The following GAB1 variants were observed in gnomAD, a reference collection of about 807,000 sequenced individuals.
GAB1 encodes the protein GRB2-associated-binding protein 1.
GAB1 carries 19 observed loss-of-function variants against 66.5 expected under a neutral mutation model. That is an observed-to-expected ratio of 0.29 (90% CI 0.20 to 0.42). The LOEUF (loss-of-function observed/expected upper bound fraction) is 0.42. Ranked by LOEUF, GAB1 falls within the 10% of genes least tolerant of loss-of-function variation. The pLI is 1.00. For synonymous variants in GAB1, 294 were observed against 301.4 expected (o/e 0.98, Z 0.25); for missense variants, 732 against 858.5 (o/e 0.85, Z 1.84).
intron 6 of GAB1, among the ~76,000 whole-genome samples, chr4:143,445,615 C>T (rs1454995769): frequency 2.6e-5 from 4 of 151,842 alleles, no homozygotes; most frequent in African/African-American, 7.3e-5. Flanking sequence ...TCTCAATTTC[C>T]GGTTTGTTGC....
intron 1 of GAB1, among the ~76,000 whole-genome samples, chr4:143,375,719 T>C (rs1560727082): frequency 1.3e-5 from 2 of 152,364 alleles, no homozygotes; most frequent in Non-Finnish European, 1.5e-5. Context: ...TTCCTAAGCT[T>C]GTTACTCTAC....
chr4:143,366,575 A>T lies in GAB1; in HGVS notation c.72+29315A>T, dbSNP rs28684731. Reference sequence around the variant, plus strand: ...AGTTTTCAAAGTTTCTATATTAGGTATTCCCTCACTATCAGTAAACACTGT... The same window carrying T: ...AGTTTTCAAAGTTTCTATATTAGGTTTTCCCTCACTATCAGTAAACACTGT... On this transcript the variant is annotated intron_variant, in intron 1 of 9. Coordinates refer to ENST00000262994, the MANE Select transcript of GAB1 (RefSeq NM_002039.4). 4.4e-3 allele frequency among the ~76,000 whole-genome samples: 675 copies of T among 152,192 alleles called. 8 individuals are homozygous for T. The highest frequency in any genetic ancestry group is 0.016 in the African/African-American group (645 of 41,536).
At chr4:143,431,298 A>G (rs904398980) in intron 2 of GAB1, among the ~76,000 whole-genome samples, 4 of 152,224 alleles carry the variant, frequency 2.6e-5, no homozygotes, top group Admixed American at 1.3e-4. Flanking sequence ...CTGGGGTTTC[A>G]TGAGGAAAAC....
At chr4:143,457,917 C>A in intron 6 of GAB1, 2 of 575,660 alleles carry the variant, frequency 3.5e-6, no homozygotes, top group Admixed American at 7.8e-5. Flanking sequence ...AAAGTGAATG[C>A]TTCCCATAAT....
chr4:143,435,228 T>C (rs1379727572), intron 3 of GAB1, among the ~76,000 whole-genome samples: 1 of 152,186 alleles, frequency 6.6e-6, no homozygotes, highest in Non-Finnish European at 1.5e-5. Context: ...ATAGCTCATA[T>C]TCATTCCAAA....
chr4:143,464,721 G>C (rs1735689867), intron 8 of GAB1, among the ~76,000 whole-genome samples: 1 of 152,174 alleles, frequency 6.6e-6, no homozygotes. Context: ...GCACAGAGCT[G>C]TCTCACCCCA....
intron 2 of GAB1, among the ~76,000 whole-genome samples, chr4:143,432,733 G>A (rs574603471): frequency 2.2e-4 from 34 of 152,094 alleles, no homozygotes; most frequent in Non-Finnish European, 4.9e-4. Context: ...TGACTACAGC[G>A]GGATTTTATT....
At chr4:143,373,109 T>C (rs924575685) in intron 1 of GAB1, among the ~76,000 whole-genome samples, 5 of 152,124 alleles carry the variant, frequency 3.3e-5, no homozygotes, top group African/African-American at 1.2e-4. Flanking sequence ...AGTGTTGAGC[T>C]AGGCTGTAAA....
intron 1 of GAB1, among the ~76,000 whole-genome samples, chr4:143,409,719 TGAA>T (rs545547497): frequency 7.1e-4 from 108 of 152,072 alleles, no homozygotes; most frequent in African/African-American, 2.2e-3. Context: ...AAAAGAACCT[TGAA>T]GAATGAATTG....
At chr4:143,443,856 A>G (rs1046758893) in intron 6 of GAB1, among the ~76,000 whole-genome samples, 1 of 152,176 alleles carries the variant, frequency 6.6e-6, no homozygotes, top group Non-Finnish European at 1.5e-5. Flanking sequence ...TCAAATACTT[A>G]TGAGTAATTG....
At position 143,433,906 on chromosome 4, in the gene GAB1, G is replaced by A. The variant is rs10017631; in HGVS notation, c.593+190G>A. On this transcript the variant is annotated intron_variant, in intron 3 of 9. Coordinates refer to ENST00000262994, the MANE Select transcript of GAB1 (RefSeq NM_002039.4). ...ATTGATTTCCGATATTCAGGAGATT[G>A]TATCGAAGAGACACAATCTCTGCCA... 2.5e-3 allele frequency among the ~76,000 whole-genome samples: 379 copies of A among 152,282 alleles called. 1 individual carries two copies. The highest frequency in any genetic ancestry group is 8.6e-3 in the African/African-American group (357 of 41,564).
intron 1 of GAB1, among the ~76,000 whole-genome samples, chr4:143,344,272 G>A (rs560350100): frequency 3.3e-5 from 5 of 152,248 alleles, no homozygotes; most frequent in African/African-American, 1.2e-4. Flanking sequence ...CGTGTTGGGG[G>A]GGAGAGAATA....
At chr4:143,380,190 T>C (rs988224436) in intron 1 of GAB1, among the ~76,000 whole-genome samples, 2 of 151,860 alleles carry the variant, frequency 1.3e-5, no homozygotes, top group African/African-American at 4.8e-5. Context: ...GAATATTGAA[T>C]CTTGAAACCC....
intron 3 of GAB1, among the ~76,000 whole-genome samples, chr4:143,437,148 A>G (rs1025685151): frequency 2.0e-5 from 3 of 151,604 alleles, no homozygotes; most frequent in Non-Finnish European, 2.9e-5. Context: ...AAGCCCTTTA[A>G]AAAAAAATCA....
chr4:143,409,817 A>C (rs1732271438), intron 1 of GAB1, among the ~76,000 whole-genome samples: 2 of 152,204 alleles, frequency 1.3e-5, no homozygotes, highest in East Asian at 3.8e-4. Flanking sequence ...GAAGATATTA[A>C]TATAAGAAGA....
At chr4:143,357,114 TGA>T (rs1729476185) in intron 1 of GAB1, among the ~76,000 whole-genome samples, 1 of 152,162 alleles carries the variant, frequency 6.6e-6, no homozygotes, top group Admixed American at 6.5e-5. Context: ...GCTCTTTCTG[TGA>T]GTCTAGCTGG....
intron 1 of GAB1, among the ~76,000 whole-genome samples, chr4:143,402,437 C>G (rs945827943): frequency 5.9e-5 from 9 of 152,178 alleles, no homozygotes; most frequent in African/African-American, 2.2e-4. Flanking sequence ...GCATATATAT[C>G]TGTGTTCCAC....
intron 6 of GAB1, among the ~76,000 whole-genome samples, chr4:143,451,476 A>G (rs1578739159): frequency 6.6e-6 from 1 of 152,306 alleles, no homozygotes; most frequent in African/African-American, 2.4e-5. Context: ...ATGCAGGCAC[A>G]TAAACTTTAA....
At chr4:143,363,475 G>C (rs191160191) in intron 1 of GAB1, among the ~76,000 whole-genome samples, 10 of 151,548 alleles carry the variant, frequency 6.6e-5, no homozygotes, top group Non-Finnish European at 1.2e-4. Flanking sequence ...GTTTTTATTT[G>C]GTAGAAGGAA....
Sources: gnomAD v4.1 joint callset for allele counts (sites outside exome capture counted in the v4.1 genomes callset) on GRCh38, gnomAD v4.1.1 for gene constraint, MANE v1.5 for transcripts, NCBI Gene and HGNC (gene_info 2026-07-23, HGNC 2026-07-21) for gene names.